The following FGFR2 variants were observed in gnomAD, a reference collection of about 807,000 sequenced individuals.
The protein encoded by FGFR2 is BEK fibroblast growth factor receptor.
FGFR2 carries 19 observed loss-of-function variants against 95.9 expected under a neutral mutation model. The ratio of observed to expected loss-of-function variants is 0.20; its 90% CI spans 0.14 to 0.29. The LOEUF (loss-of-function observed/expected upper bound fraction) is 0.29, where lower values mean the gene tolerates loss of function less well. Ranked by LOEUF, FGFR2 falls within the 10% of genes least tolerant of loss-of-function variation. The probability of loss-of-function intolerance (pLI) is 1.00; values close to 1 mark genes in which losing one functional copy is unlikely to be tolerated. For synonymous variants in FGFR2, 392 were observed against 393.3 expected (o/e 1.00, Z 0.04); for missense variants, 707 against 1,056.9 (o/e 0.67, Z 4.59).
intron 6 of FGFR2, among the ~76,000 whole-genome samples, chr10:121,523,214 A>G (rs1308721785): frequency 6.6e-6 from 1 of 152,212 alleles, no homozygotes; most frequent in African/African-American, 2.4e-5. Flanking sequence ...ATCTGCCCCT[A>G]TATTGCCCAT....
chr10:121,565,549 C>T lies in FGFR2; in HGVS notation c.265G>A (p.Gly89Arg), dbSNP rs2135116306. 1 of 1,614,236 alleles carries T rather than the reference C, an allele frequency of 6.2e-7. No individual in the cohort carries two copies. The highest frequency in any genetic ancestry group is 8.5e-7 in the Non-Finnish European group (1 of 1,180,046). Reference sequence around the variant, plus strand: ...GCGCCCTTTATCTGCAAGTACTCCCCAATAAGCACTGTCCTATTGTTGGGC... The same window carrying T: ...GCGCCCTTTATCTGCAAGTACTCCCTAATAAGCACTGTCCTATTGTTGGGC... Reference protein sequence around the residue: ...LGPNNRTVLIGEYLQIKGATP... With the variant: ...LGPNNRTVLIREYLQIKGATP... The change falls in exon 3 of 18, where the codon GGG (glycine) becomes AGG (arginine). Residue 89 changes from glycine to arginine, a missense_variant. Gly to Arg is a moderately radical substitution (Grantham distance 125). Transcript: ENST00000358487.
intron 8 of FGFR2, among the ~76,000 whole-genome samples, chr10:121,516,607 G>C (rs1444496197): frequency 1.3e-5 from 2 of 152,296 alleles, no homozygotes; most frequent in African/African-American, 2.4e-5. Flanking sequence ...GCATCAGAGA[G>C]GACAGTGTTT....
At chr10:121,549,962 T>C (rs984473618) in intron 5 of FGFR2, among the ~76,000 whole-genome samples, 1 of 152,208 alleles carries the variant, frequency 6.6e-6, no homozygotes, top group East Asian at 1.9e-4. Context: ...GGCAATTTAT[T>C]ATGCAGCAAC....
chr10:121,596,317 C>A (rs1218416779), intron 1 of FGFR2, among the ~76,000 whole-genome samples: 1 of 152,184 alleles, frequency 6.6e-6, no homozygotes. Flanking sequence ...GGCTTGGCTG[C>A]GGAGCGGTCC....
In FGFR2 at chr10:121,562,708, T is replaced by C. The variant is rs74160625; in HGVS notation, c.454+1794A>G. 6.8e-3 allele frequency among the ~76,000 whole-genome samples: 1,033 copies of C among 152,238 alleles called. 13 individuals are homozygous for C. Among genetic ancestry groups the C allele is most frequent in the African/African-American group, 0.022 (911 of 41,564 alleles). On this transcript the variant is annotated intron_variant, in intron 4 of 17. Coordinates refer to ENST00000358487, the MANE Select transcript of FGFR2 (RefSeq NM_000141.5). ...AAGACATGAGAGAAACTTACATGCA[T>C]CTTACTAAGTCAAAGAAGCCAATCT...
chr10:121,508,433 A>G (rs558653301), intron 9 of FGFR2, among the ~76,000 whole-genome samples: 68 of 152,258 alleles, frequency 4.5e-4, no homozygotes, highest in Non-Finnish European at 8.1e-4. Flanking sequence ...AGAAAAATTT[A>G]ACATTCAGTC....
rs121918501 is a variant in FGFR2 at position 121,520,050 on chromosome 10, A to C, written c.868T>G (p.Trp290Gly). ...CCGTTCTTTTCCACGTGCTTGATCC[A>C]CTGGATGTGGGGCTGGGCATCACTG... ...VYSDAQPHIQ[W>G]IKHVEKNGSK... is the part of the protein sequence containing the mutation. The change falls in exon 7 of 18, where the codon TGG becomes GGG. Residue 290 changes from tryptophan to glycine, a missense_variant. Physicochemically the swap from Trp to Gly is radical, Grantham distance 184 (BLOSUM62 -2). Transcript: ENST00000358487. 6.2e-7 allele frequency: 1 copy of C among 1,614,134 alleles called. No individual in the cohort carries two copies. The highest frequency in any genetic ancestry group is 2.2e-5 in the East Asian group (1 of 44,876).
At chr10:121,588,910 T>A (rs534982308) in intron 2 of FGFR2, among the ~76,000 whole-genome samples, 1 of 151,650 alleles carries the variant, frequency 6.6e-6, no homozygotes, top group Non-Finnish European at 1.5e-5. Context: ...CAAGACTCTG[T>A]CTCAAAAAAC....
rs2135123966 is a variant in FGFR2 at position 121,565,680 on chromosome 10, G to C, written c.134C>G (p.Ser45Cys). 1 of 1,614,230 alleles carries C rather than the reference G, an allele frequency of 6.2e-7. No homozygotes were observed. The highest frequency in any genetic ancestry group is 8.5e-7 in the Non-Finnish European group (1 of 1,180,044). ...PEEPPTKYQI[S>C]QPEVYVAAPG... is the part of the protein sequence containing the mutation. ...CGCAGCCACGTACACTTCTGGTTGA[G>C]AGATTTGGTATTTGGTTGGTGGCTC... is the stretch of plus-strand genomic sequence containing the variant. Residue 45 changes from serine to cysteine, a missense_variant, in exon 3 of 18, where the codon TCT becomes TGT. This residue lies in a region of FGFR2 where 178 missense variants were observed against 194.1 expected (regional missense o/e 0.92). Coordinates refer to ENST00000358487, the MANE Select transcript of FGFR2 (RefSeq NM_000141.5).
At chr10:121,556,396 ACTCTCTCTCTCTCTCTCT>A (rs35668561) in intron 4 of FGFR2, among the ~76,000 whole-genome samples, 2 of 128,140 alleles carry the variant, frequency 1.6e-5, no homozygotes, top group African/African-American at 3.6e-5. Context: ...TTTATAATCT[ACTCTCTCTCTCTCTCTCT>A]CTCTCTCTCT....
At chr10:121,525,261 TG>T (rs1339740234) in intron 6 of FGFR2, among the ~76,000 whole-genome samples, 1 of 152,142 alleles carries the variant, frequency 6.6e-6, no homozygotes, top group Non-Finnish European at 1.5e-5. Context: ...AAAGAGTGAT[TG>T]GAAGGTGGCT....
chr10:121,481,292 T>G (rs1844636881), intron 17 of FGFR2, among the ~76,000 whole-genome samples: 1 of 152,078 alleles, frequency 6.6e-6, no homozygotes. Context: ...ACATGTGGTT[T>G]TGCTGAGAGG....
In FGFR2 at chr10:121,593,772, C is replaced by T. The variant is rs984992964; in HGVS notation, c.46G>A (p.Ala16Thr). 1.9e-6 allele frequency: 3 copies of T among 1,614,078 alleles called. No homozygotes were observed. The highest frequency in any genetic ancestry group is 1.6e-4 in the Middle Eastern group (1 of 6,084). Residue 16 changes from alanine (A) to threonine (T), a missense_variant, in exon 2 of 18, where the codon GCA becomes ACA. Coordinates refer to ENST00000358487, the MANE Select transcript of FGFR2 (RefSeq NM_000141.5). ...RFICLVVVTM[A>T]TLSLARPSFS... Reference sequence around the variant, plus strand: ...GAGGGCCGGGCCAGGGACAAGGTTGCCATGGTGACCACGACCAGGCAGATG... The same window carrying T: ...GAGGGCCGGGCCAGGGACAAGGTTGTCATGGTGACCACGACCAGGCAGATG...
intron 4 of FGFR2, among the ~76,000 whole-genome samples, chr10:121,555,453 T>C (rs1223957015): frequency 6.6e-6 from 1 of 152,168 alleles, no homozygotes; most frequent in Non-Finnish European, 1.5e-5. Context: ...TTTATATACC[T>C]TAGAGGTGTA....
In FGFR2 at chr10:121,494,850, G is replaced by A. The variant is rs141593360; in HGVS notation, c.1863+1682C>T. 1.7e-3 allele frequency among the ~76,000 whole-genome samples: 252 copies of A among 152,086 alleles called. 1 individual carries two copies. The highest frequency in any genetic ancestry group is 3.4e-3 in the Middle Eastern group (1 of 294). On this transcript the variant is annotated intron_variant, in intron 13 of 17. Transcript: ENST00000358487. ...AACAGATACCACTGTCACCACCCCC[G>A]GCAAATTCAACACTGATACAGAAAT...
At chr10:121,500,407 GT>G (rs530203607) in intron 11 of FGFR2, among the ~76,000 whole-genome samples, 476 of 152,182 alleles carry the variant, frequency 3.1e-3, no homozygotes, top group Non-Finnish European at 4.7e-3. Flanking sequence ...GCTCCCTTAC[GT>G]CTCTTCGTTC....
At chr10:121,522,593 A>G (rs1182432886) in intron 6 of FGFR2, among the ~76,000 whole-genome samples, 1 of 152,214 alleles carries the variant, frequency 6.6e-6, no homozygotes, top group African/African-American at 2.4e-5. Flanking sequence ...GGTAGTTCTC[A>G]TGCTTAGCAT....
rs1282438529 is a variant in FGFR2 at position 121,500,929 on chromosome 10, G to A, written c.1458C>T (p.Pro486=). Reference sequence around the variant, plus strand: ...CTTGCCCAAAGCAACCTTCTCCCAGGGGCTTGCCCAGTGTCAGCCTAAATG... The same window carrying A: ...CTTGCCCAAAGCAACCTTCTCCCAGAGGCTTGCCCAGTGTCAGCCTAAATG... ...FPRDKLTLGK[P]LGEGCFGQVV... The change falls in exon 11 of 18, where the codon CCC becomes CCT. Residue 486 remains proline (P), a synonymous_variant. Coordinates refer to ENST00000358487, the MANE Select transcript of FGFR2 (RefSeq NM_000141.5). 1 of 1,614,104 alleles carries A rather than the reference G, an allele frequency of 6.2e-7. No individual in the cohort carries two copies. The highest frequency in any genetic ancestry group is 1.7e-5 in the Admixed American group (1 of 60,016).
At chr10:121,547,201 G>A (rs768355867) in intron 5 of FGFR2, among the ~76,000 whole-genome samples, 5 of 152,140 alleles carry the variant, frequency 3.3e-5, no homozygotes, top group African/African-American at 4.8e-5. Context: ...TCCAGCCTGG[G>A]CAACAAGAGC....
Sources: allele counts gnomAD v4.1 joint callset (sites outside exome capture counted in the v4.1 genomes callset), GRCh38; gene constraint gnomAD v4.1.1; regional missense constraint gnomAD v4.1.1; transcripts MANE v1.5; gene names NCBI Gene and HGNC (gene_info 2026-07-23, HGNC 2026-07-21).